CCNL2: variants seen among roughly 807,000 people sequenced by gnomAD.
The protein encoded by CCNL2 is cyclin L2, also known as cyclin-L2.
CCNL2 carries 28 observed loss-of-function variants against 59.1 expected under a neutral mutation model. The observed-to-expected ratio is 0.47, with a 90% CI of 0.35 to 0.65. CCNL2 has a LOEUF of 0.65. Among genes scored for constraint, CCNL2 ranks in the 30% least tolerant of loss-of-function variants. The pLI is 0.00. For synonymous variants in CCNL2, 342 were observed against 288.6 expected (o/e 1.19, Z -1.88); for missense variants, 714 against 717.4 (o/e 1.00, Z 0.05).
At chr1:1,395,076 A>G in intron 4 of CCNL2, 1 of 259,938 alleles carries the variant, frequency 3.8e-6, no homozygotes. Context: ...AAAAAAGAAA[A>G]CAAAAAAAAA....
chr1:1,391,003 C>A, intron 5 of CCNL2, 138 bp from the exon 6 acceptor site: 5 of 865,562 alleles, frequency 5.8e-6, no homozygotes. Flanking sequence ...CTAGACAGTC[C>A]TGTGAATCTC....
At chr1:1,397,632 C>A (rs1645113791) in intron 3 of CCNL2, among the ~76,000 whole-genome samples, 1 of 152,166 alleles carries the variant, frequency 6.6e-6, no homozygotes, top group African/African-American at 2.4e-5. Flanking sequence ...GAGGCTAAGG[C>A]CAGCAAATCC....
At chr1:1,397,678 A>C (rs1011044921) in intron 3 of CCNL2, among the ~76,000 whole-genome samples, 1 of 152,160 alleles carries the variant, frequency 6.6e-6, no homozygotes, top group Admixed American at 6.6e-5. Context: ...CCTGGGCAAC[A>C]CAGCATGACC....
rs1439108448 is a variant in CCNL2, at chr1:1,388,078, C to T, written c.1007-13G>A. On this transcript the variant is annotated splice_polypyrimidine_tract_variant and intron_variant, in intron 8 of 10. Transcript: ENST00000400809. The stretch of plus-strand genomic sequence containing the variant: ...TTGGGGGATTCCACTAGAATCAGAA[C>T]AAGAGGTTAAAAGCCAACCACAAAA... 1 of 1,606,436 alleles carries T rather than the reference C, an allele frequency of 6.2e-7. No homozygotes were observed. The highest frequency in any genetic ancestry group is 1.1e-5 in the South Asian group (1 of 90,948).
chr1:1,397,818 T>C (rs1222378008), intron 3 of CCNL2, among the ~76,000 whole-genome samples: 1 of 152,046 alleles, frequency 6.6e-6, no homozygotes, highest in Admixed American at 6.6e-5. Flanking sequence ...TGAGCCATGA[T>C]CATACCACCG....
chr1:1,398,057 G>A (rs1165091828), intron 3 of CCNL2, among the ~76,000 whole-genome samples, 176 bp downstream of exon 3: 2 of 152,214 alleles, frequency 1.3e-5, no homozygotes, highest in Non-Finnish European at 2.9e-5. Context: ...TTACTAAACC[G>A]CATCTACTGA....
At chr1:1,388,371 A>C in intron 8 of CCNL2, 2 of 392,372 alleles carry the variant, frequency 5.1e-6, no homozygotes, top group East Asian at 6.4e-5. Flanking sequence ...AACTACAAAA[A>C]TTAGCTGGGC....
At chr1:1,392,152 G>A (rs998210826) in intron 5 of CCNL2, 3 of 279,570 alleles carry the variant, frequency 1.1e-5, no homozygotes, top group Non-Finnish European at 1.6e-5. Context: ...TGATGCAAGC[G>A]TGCCAGTGCA....
intron 4 of CCNL2, among the ~76,000 whole-genome samples, chr1:1,393,864 T>A (rs1207627351): frequency 6.6e-6 from 1 of 152,246 alleles, no homozygotes; most frequent in East Asian, 1.9e-4. Context: ...CACTGGCTCA[T>A]GCCTATAATC....
At chr1:1,388,171 A>AAGC (rs1298955130) in intron 8 of CCNL2, 106 bp from the exon 9 acceptor site, 1 of 841,420 alleles carries the variant, frequency 1.2e-6, no homozygotes, top group Non-Finnish European at 1.9e-6. Context: ...ACAGCGACGC[A>AAGC]AGCAGACTGT....
intron 5 of CCNL2, chr1:1,392,180 C>T: frequency 2.5e-6 from 1 of 406,160 alleles, no homozygotes; most frequent in Non-Finnish European, 3.3e-6. Context: ...AACACAGATA[C>T]ATTCAACAAT....
Position 1,393,412 on chromosome 1 carries a change from G to C in CCNL2, c.643C>G (p.Leu215Val), listed in dbSNP as rs1644850113. ...QVLECERNQH[L>V]VQTSWNYMND... ...TCAACTCACCATGAGGTCTGGACCA[G>C]GTGTTGGTTACGCTCACACTCTAAC... Residue 215 changes from leucine to valine, a missense_variant, in exon 5 of 11, where the codon CTG becomes GTG. Transcript: ENST00000400809. 1.2e-6 allele frequency: 2 copies of C among 1,613,916 alleles called. No homozygotes were observed. Among genetic ancestry groups the C allele is most frequent in the Non-Finnish European group, 8.5e-7 (1 of 1,179,912 alleles).
In CCNL2 at chr1:1,398,666, G is replaced by A. The variant is rs781691818; in HGVS notation, c.294C>T (p.Ala98=). 2.1e-5 allele frequency: 34 copies of A among 1,612,976 alleles called. No individual in the cohort carries two copies. The Admixed American group carries it at 2.2e-4, about 10-fold the overall frequency. Residue 98 remains alanine, a synonymous_variant, in exon 2 of 11, where the codon GCC becomes GCT. Coordinates refer to ENST00000400809, the MANE Select transcript of CCNL2 (RefSeq NM_030937.6). Reference sequence around the variant, plus strand: ...GGAACAACACCTGCCCGGTAGCCATGGCCACCTAGAGTAGAAGAAAGTTTC... The same window carrying A: ...GGAACAACACCTGCCCGGTAGCCATAGCCACCTAGAGTAGAAGAAAGTTTC... ...AGILLRLPQV[A]MATGQVLFQR... is the part of the protein sequence containing the mutation.
chr1:1,394,595 C>T (rs1442296869), intron 4 of CCNL2, among the ~76,000 whole-genome samples: 1 of 151,600 alleles, frequency 6.6e-6, no homozygotes, highest in Non-Finnish European at 1.5e-5. Flanking sequence ...ACTAAAGATA[C>T]AAAAATTACC....
intron 8 of CCNL2, among the ~76,000 whole-genome samples, chr1:1,389,662 A>C (rs898090071): frequency 1.3e-5 from 2 of 152,068 alleles, no homozygotes; most frequent in African/African-American, 4.8e-5. Flanking sequence ...AAAAAGATAA[A>C]GAATTAGCTA....
chr1:1,391,792 G>A, intron 5 of CCNL2: 2 of 328,346 alleles, frequency 6.1e-6, no homozygotes, highest in Non-Finnish European at 1.2e-5. Flanking sequence ...AGATTTAATA[G>A]ACTAAAACCA....
chr1:1,389,543 G>A lies in CCNL2; in HGVS notation c.1006+687C>T, dbSNP rs1328162041. ...CATACTCCCTGCTAATCAACAGAAA[G>A]GCCAGGTGCCTATGCTCCTAGCACT... On this transcript the variant is annotated intron_variant, in intron 8 of 10. Coordinates refer to ENST00000400809, the MANE Select transcript of CCNL2 (RefSeq NM_030937.6). The A allele has an allele frequency of 2.0e-5, 3 of 152,102 alleles. No homozygotes were observed. The East Asian group carries it at 5.8e-4, about 29-fold the overall frequency. 9.4% of individuals were successfully genotyped at this position (152,102 alleles called of 1,614,324 possible).
intron 7 of CCNL2, 35 bp downstream of exon 7, chr1:1,390,424 A>G: frequency 1.2e-6 from 2 of 1,611,978 alleles, no homozygotes; most frequent in Non-Finnish European, 1.7e-6. Context: ...GGCCAAACAC[A>G]AACGCATACG....
chr1:1,393,116 C>G, intron 5 of CCNL2: 1 of 585,162 alleles, frequency 1.7e-6, no homozygotes, highest in Non-Finnish European at 3.0e-6. Flanking sequence ...TCCCCCTGCG[C>G]CAAGTCAACA....
Sources: allele counts gnomAD v4.1 joint callset (sites outside exome capture counted in the v4.1 genomes callset), GRCh38; gene constraint gnomAD v4.1.1; transcripts MANE v1.5; gene names NCBI Gene and HGNC (gene_info 2026-07-23, HGNC 2026-07-21).